CAB39: variants seen among roughly 807,000 people sequenced by gnomAD.
The protein encoded by CAB39 is calcium binding protein 39, also known as calcium-binding protein 39.
CAB39 carries 8 observed loss-of-function variants against 40.0 expected under a neutral mutation model. The ratio of observed to expected loss-of-function variants is 0.20; its 90% confidence interval spans 0.12 to 0.36. The LOEUF (loss-of-function observed/expected upper bound fraction) is 0.36. Among genes scored for constraint, CAB39 ranks in the 10% least tolerant of loss-of-function variants. The pLI is 1.00. For missense variants in CAB39, 270 were observed against 401.1 expected (o/e 0.67, Z 2.79); for synonymous variants, 156 against 141.6 (o/e 1.10, Z -0.72).
intron 1 of CAB39, among the ~76,000 whole-genome samples, chr2:230,737,985 T>TA (rs1370199159): frequency 6.6e-6 from 1 of 152,226 alleles, no homozygotes; most frequent in East Asian, 1.9e-4. Context: ...TTTCACCCGA[T>TA]ACTTTATTAC....
intron 1 of CAB39, among the ~76,000 whole-genome samples, chr2:230,748,843 T>TATATAC (rs1695033808): frequency 1.2e-5 from 1 of 83,286 alleles, no homozygotes; most frequent in Non-Finnish European, 2.3e-5. Context: ...TATATATATA[T>TATATAC]ATATATATAT....
intron 1 of CAB39, among the ~76,000 whole-genome samples, chr2:230,743,245 A>G (rs1348536759): frequency 1.3e-5 from 2 of 152,196 alleles, no homozygotes; most frequent in African/African-American, 4.8e-5. Context: ...ACAGACAACT[A>G]GGCTGGAACT....
At chr2:230,809,949 C>T (rs1277551089) in intron 5 of CAB39, among the ~76,000 whole-genome samples, 1 of 152,188 alleles carries the variant, frequency 6.6e-6, no homozygotes, top group Non-Finnish European at 1.5e-5. Context: ...AACCAGCCCA[C>T]TTGGGGAGTG....
intron 5 of CAB39, among the ~76,000 whole-genome samples, chr2:230,807,417 A>G (rs1032918503): frequency 1.7e-5 from 2 of 116,766 alleles, no homozygotes; most frequent in African/African-American, 6.7e-5. Context: ...TACCCCCCCA[A>G]CCCCCCACCC....
At chr2:230,743,951 G>T (rs183403402) in intron 1 of CAB39, among the ~76,000 whole-genome samples, 2 of 138,102 alleles carry the variant, frequency 1.4e-5, no homozygotes, top group South Asian at 4.4e-4. Flanking sequence ...ATGGAGTCTC[G>T]CTCTGTCACC....
chr2:230,751,916 A>G (rs1271499737), intron 1 of CAB39, among the ~76,000 whole-genome samples: 1 of 151,794 alleles, frequency 6.6e-6, no homozygotes, highest in South Asian at 2.1e-4. Context: ...TAATCCTTTA[A>G]TGTTTGAATT....
Position 230,717,709 on chromosome 2 carries a change from C to G in CAB39, c.-44+4479C>G, listed in dbSNP as rs1033665099. 6.6e-5 allele frequency among the ~76,000 whole-genome samples: 10 copies of G among 152,312 alleles called. No individual in the cohort carries two copies. The South Asian group carries it at 8.3e-4, about 13-fold the overall frequency. ...GGTGGTGATGAAATCAGGTTAACAG[C>G]TAGTTGCCATCTGCATTTTTGGGGG... On this transcript the variant is annotated intron_variant, in intron 1 of 8. Coordinates refer to ENST00000258418, the MANE Select transcript of CAB39 (RefSeq NM_016289.4).
chr2:230,777,423 G>GTT (rs879923497), intron 2 of CAB39, among the ~76,000 whole-genome samples: 2 of 126,152 alleles, frequency 1.6e-5, no homozygotes, highest in Non-Finnish European at 3.4e-5. Flanking sequence ...TCTCAATTTT[G>GTT]TTTTTTTTTT....
intron 2 of CAB39, among the ~76,000 whole-genome samples, chr2:230,776,871 T>C (rs1420856442): frequency 6.6e-6 from 1 of 152,182 alleles, no homozygotes; most frequent in Non-Finnish European, 1.5e-5. Flanking sequence ...GTATTTTTAG[T>C]TGAGACGGGG....
intron 2 of CAB39, among the ~76,000 whole-genome samples, chr2:230,770,804 A>C (rs1018473786): frequency 1.1e-4 from 16 of 152,210 alleles, no homozygotes; most frequent in African/African-American, 3.9e-4. Context: ...AGTACATGTC[A>C]ATTGATGAAA....
At chr2:230,756,661 GTTTATTTATTTATTTATTTA>G (rs577181012) in intron 1 of CAB39, among the ~76,000 whole-genome samples, 4 of 95,370 alleles carry the variant, frequency 4.2e-5, no homozygotes, top group Non-Finnish European at 5.9e-5. Flanking sequence ...CTAACTGTTT[GTTTATTTATTTATTTATTTA>G]TTTATTTATT....
chr2:230,782,148 G>C (rs994331241), intron 2 of CAB39, among the ~76,000 whole-genome samples: 6 of 152,166 alleles, frequency 3.9e-5, no homozygotes, highest in Non-Finnish European at 8.8e-5. Context: ...TTACAGGCAT[G>C]AGCCACCACT....
intron 5 of CAB39, among the ~76,000 whole-genome samples, chr2:230,806,305 C>T (rs1364026977): frequency 1.3e-5 from 2 of 152,132 alleles, no homozygotes; most frequent in Non-Finnish European, 2.9e-5. Context: ...CCAGAGCCCA[C>T]TTTGAGTAAA....
chr2:230,797,865 C>T (rs1696017346), intron 4 of CAB39, among the ~76,000 whole-genome samples: 1 of 152,022 alleles, frequency 6.6e-6, no homozygotes, highest in Non-Finnish European at 1.5e-5. Context: ...TCTTTGCTGG[C>T]CCGTTATTTC....
chr2:230,772,944 A>G (rs1695510182), intron 2 of CAB39, among the ~76,000 whole-genome samples: 2 of 150,508 alleles, frequency 1.3e-5, no homozygotes, highest in Non-Finnish European at 2.9e-5. Flanking sequence ...GGATAAACCA[A>G]CTGTAGTACA....
At chr2:230,762,631 A>G (rs1695315218) in intron 2 of CAB39, among the ~76,000 whole-genome samples, 1 of 152,248 alleles carries the variant, frequency 6.6e-6, no homozygotes, top group Non-Finnish European at 1.5e-5. Flanking sequence ...CAAATTGATG[A>G]AAGGATAATG....
chr2:230,817,996 G>A, intron 8 of CAB39, 99 bp downstream of exon 8: 2 of 1,068,020 alleles, frequency 1.9e-6, no homozygotes, highest in African/African-American at 1.6e-5. Context: ...TGGTAATCCA[G>A]GTGACTTAAT....
At chr2:230,714,848 G>C (rs1420243455) in intron 1 of CAB39, among the ~76,000 whole-genome samples, 2 of 152,162 alleles carry the variant, frequency 1.3e-5, no homozygotes, top group Non-Finnish European at 2.9e-5. Flanking sequence ...TATACGATCT[G>C]TGAAAGCAGC....
chr2:230,783,544 C>T (rs1481103722), intron 2 of CAB39, among the ~76,000 whole-genome samples: 1 of 151,966 alleles, frequency 6.6e-6, no homozygotes, highest in Non-Finnish European at 1.5e-5. Flanking sequence ...GCAGTGGCAC[C>T]ATCTCGGCTC....
Sources: gnomAD v4.1 joint callset for allele counts (sites outside exome capture counted in the v4.1 genomes callset) on GRCh38, gnomAD v4.1.1 for gene constraint, MANE v1.5 for transcripts, NCBI Gene and HGNC (gene_info 2026-07-23, HGNC 2026-07-21) for gene names.